PRMT7: variants seen among roughly 807,000 people sequenced by gnomAD.
The protein encoded by PRMT7 is protein arginine methyltransferase 7.
PRMT7 carries 75 observed loss-of-function variants against 85.4 expected under a neutral mutation model. That is an observed-to-expected ratio of 0.88 (90% CI 0.73 to 1.06). The LOEUF is 1.06. Among genes scored for constraint, PRMT7 ranks in the 50% least tolerant of loss-of-function variants. PRMT7 has a pLI of 0.00. For missense variants in PRMT7, 868 were observed against 915.2 expected (o/e 0.95, Z 0.67); for synonymous variants, 397 against 359.5 (o/e 1.10, Z -1.18).
intron 4 of PRMT7, chr16:68,324,447 A>G: frequency 1.8e-6 from 1 of 552,006 alleles, no homozygotes; most frequent in East Asian, 3.2e-5. Flanking sequence ...GGGCTCTGGC[A>G]TCACTTAGTA....
At chr16:68,331,645 A>T (rs368255352) in intron 6 of PRMT7, among the ~76,000 whole-genome samples, 46 of 150,752 alleles carry the variant, frequency 3.1e-4, no homozygotes, top group Middle Eastern at 3.4e-3. Context: ...CTTAAAAAAA[A>T]TTTTTTTTTG....
In PRMT7 at chr16:68,311,019, G is replaced by A. The variant is rs914421364; in HGVS notation, c.-299G>A. 1.7e-6 allele frequency: 2 copies of A among 1,147,276 alleles called. No homozygotes were observed. Among genetic ancestry groups the A allele is most frequent in the Admixed American group, 2.0e-5 (1 of 50,362 alleles). 71.1% of individuals were successfully genotyped at this position (1,147,276 alleles called of 1,614,324 possible). A position where few individuals can be genotyped will look rare whatever the true frequency, so the allele number is the denominator to read the frequency against. ...GGACCCGCCCCCCAGCACGCTCCTC[G>A]ACGCTGCGAGGTCCCGCCCCGCGTG... is the stretch of plus-strand genomic sequence containing the variant. On this transcript the variant is annotated 5_prime_UTR_variant, in exon 1 of 19. Coordinates refer to ENST00000441236, the MANE Select transcript of PRMT7 (RefSeq NM_019023.5).
intron 6 of PRMT7, among the ~76,000 whole-genome samples, chr16:68,332,851 C>T (rs1047145295): frequency 9.2e-5 from 14 of 152,166 alleles, no homozygotes; most frequent in African/African-American, 3.4e-4. Flanking sequence ...GTTTGTTTCC[C>T]TTCTTAGGGA....
At chr16:68,345,159 C>G (rs1433988461) in intron 9 of PRMT7, among the ~76,000 whole-genome samples, 1 of 152,194 alleles carries the variant, frequency 6.6e-6, no homozygotes, top group Non-Finnish European at 1.5e-5. Context: ...AAATTTGTCT[C>G]CAGAAGTCCT....
intron 18 of PRMT7, 27 bp downstream of exon 18, chr16:68,356,824 T>C: frequency 5.0e-6 from 8 of 1,586,224 alleles, no homozygotes; most frequent in Non-Finnish European, 6.9e-6. Flanking sequence ...GGGCCCAGTG[T>C]GCGTGCAGAC....
chr16:68,338,252 A>C (rs2084980373), intron 7 of PRMT7, among the ~76,000 whole-genome samples: 1 of 152,118 alleles, frequency 6.6e-6, no homozygotes, highest in Admixed American at 6.6e-5. Context: ...CTGTAGACAG[A>C]GGCCTGATAG....
intron 9 of PRMT7, among the ~76,000 whole-genome samples, chr16:68,341,206 C>G (rs911900488): frequency 2.0e-5 from 3 of 152,220 alleles, no homozygotes; most frequent in African/African-American, 7.2e-5. Flanking sequence ...CCCTCTCTCA[C>G]TCTCACACTC....
At chr16:68,312,702 T>C (rs1474285481) in intron 2 of PRMT7, among the ~76,000 whole-genome samples, 1 of 152,182 alleles carries the variant, frequency 6.6e-6, no homozygotes, top group African/African-American at 2.4e-5. Context: ...GAATCTGTAG[T>C]GTAGACTGCT....
chr16:68,353,806 C>T (rs990734459), intron 16 of PRMT7, among the ~76,000 whole-genome samples: 4 of 152,234 alleles, frequency 2.6e-5, no homozygotes, highest in African/African-American at 9.6e-5. Context: ...ACTGCCCCTG[C>T]CAGTGCCCAC....
Position 68,315,914 on chromosome 16 carries a change from T to G in PRMT7, c.-66T>G. 1 of 1,320,286 alleles carries G rather than the reference T, an allele frequency of 7.6e-7. No homozygotes were observed. Among genetic ancestry groups the G allele is most frequent in the Non-Finnish European group, 1.1e-6 (1 of 917,862 alleles). 81.8% of individuals were successfully genotyped at this position (1,320,286 alleles called of 1,614,324 possible). On this transcript the variant is annotated 5_prime_UTR_variant, in exon 3 of 19. Transcript: ENST00000441236. ...GTTAATAGATTTCTGACAGTCAGACTTGTCCACAAGAACTCAACTGGCAAG... is the reference window on the plus strand; with the variant it reads ...GTTAATAGATTTCTGACAGTCAGACGTGTCCACAAGAACTCAACTGGCAAG...
rs978150770 is a variant in PRMT7, at chr16:68,357,173, C to T, written c.2028C>T (p.Pro676=). Residue 676 remains proline, a synonymous_variant, in exon 19 of 19, where the codon CCC becomes CCT. Coordinates refer to ENST00000441236, the MANE Select transcript of PRMT7 (RefSeq NM_019023.5). Reference sequence around the variant, plus strand: ...TCAGCTATGCAGTGGAGTTTCACCCCGACACAGGCGACATCATCATGGAGT... The same window carrying T: ...TCAGCTATGCAGTGGAGTTTCACCCTGACACAGGCGACATCATCATGGAGT... ...RTVSYAVEFH[P]DTGDIIMEFR... The T allele has an allele frequency of 9.3e-6, 15 of 1,613,824 alleles. No homozygotes were observed. Among genetic ancestry groups the T allele is most frequent in the South Asian group, 3.3e-5 (3 of 91,088 alleles).
intron 14 of PRMT7, among the ~76,000 whole-genome samples, chr16:68,350,525 A>G (rs2087158168): frequency 6.6e-6 from 1 of 152,116 alleles, no homozygotes; most frequent in Admixed American, 6.5e-5. Flanking sequence ...GATGATGGTG[A>G]ACATCATTTC....
rs114655993 is a variant in PRMT7, at chr16:68,350,548, T to C, written c.1414-1700T>C. 9.4e-3 allele frequency among the ~76,000 whole-genome samples: 1,432 copies of C among 152,340 alleles called. 24 individuals carry two copies. The highest frequency in any genetic ancestry group is 0.033 in the African/African-American group (1,361 of 41,570). On this transcript the variant is annotated intron_variant, in intron 14 of 18. Transcript: ENST00000441236. Reference sequence around the variant, plus strand: ...TGAACATCATTTCGTGTGCTTGTCTTGCTTGGTGAAATGTCTATTCAAGCC... The same window carrying C: ...TGAACATCATTTCGTGTGCTTGTCTCGCTTGGTGAAATGTCTATTCAAGCC...
At position 68,346,012 on chromosome 16, in the gene PRMT7, C is replaced by T. The variant is rs1020791769; in HGVS notation, c.1056-133C>T. On this transcript the variant is annotated intron_variant, in intron 10 of 18. Transcript: ENST00000441236. Reference sequence around the variant, plus strand: ...TGCTGGAATCTGTTTAGAGCAGATGCGTAGGAAAAGTCTGGAATTAGCGGG... The same window carrying T: ...TGCTGGAATCTGTTTAGAGCAGATGTGTAGGAAAAGTCTGGAATTAGCGGG... The T allele has an allele frequency of 7.8e-6, 11 of 1,413,908 alleles. No individual in the cohort carries two copies. The Admixed American group carries it at 9.6e-5, about 12-fold the overall frequency. The allele number at this position is 1,413,908 out of a possible 1,614,324, so 87.6% of individuals were successfully genotyped here.
At chr16:68,333,481 C>CAAA (rs892258971) in intron 6 of PRMT7, among the ~76,000 whole-genome samples, 1 of 90,928 alleles carries the variant, frequency 1.1e-5, no homozygotes, top group South Asian at 3.4e-4. Flanking sequence ...AATTCTGGCT[C>CAAA]AAAAAAAAAA....
intron 9 of PRMT7, among the ~76,000 whole-genome samples, chr16:68,343,050 C>G (rs767399562): frequency 5.9e-5 from 9 of 152,064 alleles, no homozygotes; most frequent in Non-Finnish European, 1.3e-4. Context: ...ACTAAAAATA[C>G]AAAGAAAATT....
intron 5 of PRMT7, 178 bp downstream of exon 5, chr16:68,325,010 T>C: frequency 1.4e-6 from 1 of 737,214 alleles, no homozygotes. Flanking sequence ...CTCCAGGAGC[T>C]AATTTTCTCC....
chr16:68,357,052 A>AG lies in PRMT7; in HGVS notation c.1913dup. The AG allele has an allele frequency of 6.2e-7, 1 of 1,604,202 alleles. No individual in the cohort carries two copies. The highest frequency in any genetic ancestry group is 8.5e-7 in the Non-Finnish European group (1 of 1,174,834). On this transcript the variant is annotated splice_acceptor_variant, in intron 18 of 18. Coordinates refer to ENST00000441236, the MANE Select transcript of PRMT7 (RefSeq NM_019023.5). LOFTEE classifies it high-confidence loss of function. Reference sequence around the variant, plus strand: ...ACCATCTTCCTGCTCTTCTTCCTACAGGGGGGCTGCTGCTGGAACCCCCAC... The same window carrying AG: ...ACCATCTTCCTGCTCTTCTTCCTACAGGGGGGGCTGCTGCTGGAACCCCCAC...
chr16:68,354,579 C>T (rs962636945), intron 16 of PRMT7: 3 of 152,304 alleles, frequency 2.0e-5, no homozygotes, highest in Non-Finnish European at 4.4e-5. Context: ...TGTATCTTAT[C>T]TGCCCCTCAC....
Sources: gnomAD v4.1 joint callset for allele counts (sites outside exome capture counted in the v4.1 genomes callset) on GRCh38, gnomAD v4.1.1 for gene constraint, MANE v1.5 for transcripts, NCBI Gene and HGNC (gene_info 2026-07-23, HGNC 2026-07-21) for gene names.